The following AATF variants were observed in gnomAD, a reference collection of about 807,000 sequenced individuals.
AATF encodes the protein apoptosis antagonizing transcription factor.
Under a neutral mutation model 63.7 loss-of-function variants are expected in AATF, and 48 were observed. The ratio of observed to expected loss-of-function variants is 0.75; its 90% confidence interval spans 0.60 to 0.96. The LOEUF (loss-of-function observed/expected upper bound fraction) is 0.96. Ranked by LOEUF, AATF falls within the 40% of genes least tolerant of loss-of-function variation. AATF has a pLI of 0.00. For synonymous variants in AATF, 258 were observed against 247.7 expected, an observed-to-expected ratio of 1.04 and a Z score of -0.39; for missense variants, 639 against 685.7, an observed-to-expected ratio of 0.93 and a Z score of 0.76.
chr17:37,003,929 C>T (rs1257306770), intron 8 of AATF, among the ~76,000 whole-genome samples: 3 of 151,924 alleles, frequency 2.0e-5, no homozygotes, highest in Middle Eastern at 3.4e-3. Context: ...CATGGCAAAA[C>T]CCCATCTCTA....
intron 4 of AATF, among the ~76,000 whole-genome samples, chr17:36,977,668 C>T (rs887934332): frequency 6.6e-6 from 1 of 152,010 alleles, no homozygotes; most frequent in African/African-American, 2.4e-5. Context: ...AAAAGTATAT[C>T]AAATAAAAAT....
chr17:36,963,983 C>T (rs999912199), intron 4 of AATF, among the ~76,000 whole-genome samples: 1 of 151,898 alleles, frequency 6.6e-6, no homozygotes, highest in African/African-American at 2.4e-5. Flanking sequence ...TCAGGACCAG[C>T]CTGGGCAACA....
intron 11 of AATF, among the ~76,000 whole-genome samples, chr17:37,050,930 T>C (rs2071742658): frequency 6.6e-6 from 1 of 152,164 alleles, no homozygotes; most frequent in Non-Finnish European, 1.5e-5. Context: ...ATTATGTGTA[T>C]CATTTTATGT....
chr17:36,969,064 G>T (rs761296704), intron 4 of AATF, among the ~76,000 whole-genome samples: 6 of 151,962 alleles, frequency 3.9e-5, no homozygotes, highest in Admixed American at 3.9e-4. Context: ...GATCCTCTGC[G>T]GTCTCTGTTG....
At chr17:37,015,160 A>G (rs367826759) in intron 8 of AATF, among the ~76,000 whole-genome samples, 6 of 152,194 alleles carry the variant, frequency 3.9e-5, no homozygotes, top group African/African-American at 1.4e-4. Context: ...AAAGTTTATT[A>G]TTCGGAATCT....
chr17:36,981,702 C>CTTTTT (rs71368433), intron 4 of AATF, among the ~76,000 whole-genome samples: 96 of 110,410 alleles, frequency 8.7e-4, no homozygotes, highest in Non-Finnish European at 1.2e-3. Context: ...TCTTTCTTTT[C>CTTTTT]TTTTTTTTTT....
intron 4 of AATF, among the ~76,000 whole-genome samples, chr17:36,963,430 T>C (rs542321065): frequency 1.6e-4 from 24 of 152,340 alleles, no homozygotes; most frequent in African/African-American, 4.3e-4. Context: ...GTTGAACTTA[T>C]TGAAAGATAG....
chr17:36,950,008 CTAG>C (rs1352146387), intron 1 of AATF, among the ~76,000 whole-genome samples: 3 of 152,228 alleles, frequency 2.0e-5, no homozygotes, highest in Non-Finnish European at 1.5e-5. Context: ...ATAGATCCCA[CTAG>C]TAGATGCCAG....
At chr17:36,995,804 G>A (rs1490730050) in intron 8 of AATF, among the ~76,000 whole-genome samples, 2 of 152,084 alleles carry the variant, frequency 1.3e-5, no homozygotes, top group African/African-American at 2.4e-5. Context: ...CTGGGCTCAA[G>A]CAGTTTGCCC....
chr17:36,959,701 G>A (rs868429076), intron 4 of AATF, among the ~76,000 whole-genome samples: 3 of 152,090 alleles, frequency 2.0e-5, no homozygotes, highest in Non-Finnish European at 2.9e-5. Flanking sequence ...TTAATGAGAT[G>A]CATTACAAAC....
intron 10 of AATF, among the ~76,000 whole-genome samples, chr17:37,021,355 G>A (rs554723043): frequency 2.6e-5 from 4 of 152,184 alleles, no homozygotes; most frequent in African/African-American, 9.6e-5. Flanking sequence ...ATGGCCAGGC[G>A]TGGTGGCTCA....
Position 36,989,236 on chromosome 17 carries a change from T to C in AATF, c.1150-11T>C. Reference sequence around the variant, plus strand: ...TTCTGCATTATCTGACACTGCTTAATGTTGTTGCAGGGTTTTGGTGCCTTT... The same window carrying C: ...TTCTGCATTATCTGACACTGCTTAACGTTGTTGCAGGGTTTTGGTGCCTTT... On this transcript the variant is annotated splice_polypyrimidine_tract_variant and intron_variant, in intron 6 of 11. Coordinates refer to ENST00000619387, the MANE Select transcript of AATF (RefSeq NM_012138.4). 1 of 1,609,298 alleles carries C rather than the reference T, an allele frequency of 6.2e-7. No homozygotes were observed. Among genetic ancestry groups the C allele is most frequent in the Non-Finnish European group, 8.5e-7 (1 of 1,177,002 alleles).
intron 11 of AATF, among the ~76,000 whole-genome samples, chr17:37,044,733 C>T (rs2071674776): frequency 6.6e-6 from 1 of 152,154 alleles, no homozygotes; most frequent in Non-Finnish European, 1.5e-5. Context: ...TTTGTATTAT[C>T]CCCGTTGAGC....
intron 4 of AATF, among the ~76,000 whole-genome samples, chr17:36,954,635 A>G (rs1300527886): frequency 2.0e-5 from 3 of 152,216 alleles, no homozygotes; most frequent in African/African-American, 7.2e-5. Flanking sequence ...ACTGAGCTAT[A>G]AAGAATTCTA....
In AATF at chr17:36,989,254, G is replaced by A. The variant is rs1397499519; in HGVS notation, c.1157G>A (p.Gly386Asp). Residue 386 changes from glycine (G) to aspartate (D), a missense_variant, in exon 7 of 12, where the codon GGT (glycine) becomes GAT (aspartate). Transcript: ENST00000619387. ...TGCTTAATGTTGTTGCAGGGTTTTG[G>A]TGCCTTTGAACGCTCAATCTTGACT... ...LASGKLGKGF[G>D]AFERSILTQI... The A allele has an allele frequency of 1.2e-6, 2 of 1,611,708 alleles. No homozygotes were observed. The highest frequency in any genetic ancestry group is 3.3e-5 in the Admixed American group (2 of 59,928).
chr17:37,000,174 C>G (rs902232535), intron 8 of AATF: 1 of 152,266 alleles, frequency 6.6e-6, no homozygotes, highest in Admixed American at 6.6e-5. Flanking sequence ...TCCAGGCAAG[C>G]GATGGCAGTG....
intron 11 of AATF, among the ~76,000 whole-genome samples, chr17:37,040,999 T>A (rs1567994227): frequency 1.3e-5 from 2 of 152,180 alleles, no homozygotes; most frequent in Middle Eastern, 3.2e-3. Context: ...AGAGACAGTA[T>A]CTTTTTCCTG....
At chr17:37,032,880 C>T (rs1337636649) in intron 11 of AATF, among the ~76,000 whole-genome samples, 1 of 152,044 alleles carries the variant, frequency 6.6e-6, no homozygotes. Context: ...TTTTAATTGT[C>T]ATCATTGTAA....
chr17:37,006,587 C>G (rs1380436115), intron 8 of AATF, among the ~76,000 whole-genome samples: 1 of 152,220 alleles, frequency 6.6e-6, no homozygotes, highest in Non-Finnish European at 1.5e-5. Flanking sequence ...AATTCTTACT[C>G]TGTCTTCACT....
Sources: gnomAD v4.1 joint callset for allele counts (sites outside exome capture counted in the v4.1 genomes callset) on GRCh38, gnomAD v4.1.1 for gene constraint, MANE v1.5 for transcripts, NCBI Gene and HGNC (gene_info 2026-07-23, HGNC 2026-07-21) for gene names.